The following ANKMY2 variants were observed in gnomAD, a reference collection of about 807,000 sequenced individuals.
ANKMY2 encodes ankyrin repeat and MYND domain-containing protein 2.
ANKMY2 carries 36 observed loss-of-function variants against 50.4 expected under a neutral mutation model. The observed-to-expected ratio is 0.71, with a 90% confidence interval of 0.55 to 0.94. ANKMY2 has a LOEUF of 0.94. ANKMY2 is among the 40% of genes least tolerant of loss of function. ANKMY2 has a pLI of 0.00. For synonymous variants in ANKMY2, 187 were observed against 178.8 expected (o/e 1.05, Z -0.36); for missense variants, 565 against 524.0 (o/e 1.08, Z -0.76).
rs185748132 is a variant in ANKMY2, at chr7:16,629,144, C to T, written c.133-1966G>A. 1.1e-4 allele frequency among the ~76,000 whole-genome samples: 16 copies of T among 152,266 alleles called. No homozygotes were observed. The East Asian group carries it at 3.1e-3, about 29-fold the overall frequency. ...TCTCATTTAAAAAAAATTTTCCTGG[C>T]TCTTTTCTCTTTCTCACTTGTTCTT... On this transcript the variant is annotated intron_variant, in intron 2 of 9. Transcript: ENST00000306999.
In ANKMY2 at chr7:16,645,559, C is replaced by A. The variant is rs773492056; in HGVS notation, c.15G>T (p.Lys5Asn). 1 of 1,612,002 alleles carries A rather than the reference C, an allele frequency of 6.2e-7. No homozygotes were observed. Among genetic ancestry groups the A allele is most frequent in the African/African-American group, 1.3e-5 (1 of 74,786 alleles). ...TCTCCTCCTGGGTCAGCTCGCCTTT[C>A]TTTATGTGAACCATTGCTCCCGCCA... MVHI[K>N]KGELTQEEKE... Residue 5 changes from lysine (K) to asparagine (N), a missense_variant, in exon 1 of 10, where the codon AAG (lysine) becomes AAT (asparagine). Transcript: ENST00000306999.
intron 4 of ANKMY2, among the ~76,000 whole-genome samples, chr7:16,618,440 GAATA>G (rs1781389013): frequency 6.6e-6 from 1 of 152,138 alleles, no homozygotes; most frequent in African/African-American, 2.4e-5. Context: ...GGAAAAAAAG[GAATA>G]GATGGAGAAT....
Position 16,600,538 on chromosome 7 carries a change from A to C in ANKMY2, c.*223T>G. 2.6e-6 allele frequency: 1 copy of C among 380,534 alleles called. No homozygotes were observed. The highest frequency in any genetic ancestry group is 3.9e-5 in the East Asian group (1 of 25,776). 23.6% of individuals were successfully genotyped at this position (380,534 alleles called of 1,614,324 possible). On this transcript the variant is annotated 3_prime_UTR_variant, in exon 10 of 10. Transcript: ENST00000306999. ...TAGGAATGTTTTTCCTGTATTTTGA[A>C]ACAAAAAATTTTCCATAGGAATATC...
intron 5 of ANKMY2, among the ~76,000 whole-genome samples, chr7:16,612,319 A>G (rs1486709180): frequency 2.6e-5 from 4 of 152,222 alleles, no homozygotes; most frequent in Admixed American, 2.6e-4. Context: ...TCCTTGTAAA[A>G]TTAAACGAAT....
chr7:16,638,822 G>T (rs1295886606), intron 1 of ANKMY2, among the ~76,000 whole-genome samples: 1 of 150,810 alleles, frequency 6.6e-6, no homozygotes. Context: ...AGGTACCAGG[G>T]TCAAAGACCA....
chr7:16,612,187 A>G (rs557764089), intron 5 of ANKMY2, among the ~76,000 whole-genome samples: 33 of 152,340 alleles, frequency 2.2e-4, no homozygotes, highest in African/African-American at 7.7e-4. Context: ...GGGACTATAC[A>G]TGTCAGGGAA....
In ANKMY2 at chr7:16,600,810, A is replaced by C; in HGVS notation, c.1277T>G (p.Leu426Trp). The C allele has an allele frequency of 1.2e-6, 2 of 1,613,798 alleles. No homozygotes were observed. Among genetic ancestry groups the C allele is most frequent in the Non-Finnish European group, 1.7e-6 (2 of 1,179,884 alleles). ...TGCAGGAGCATCCTGTAAGCCTTCC[A>C]ACTCAGCTTCGCTTTCAAGAGATTC... The part of the protein sequence containing the change: ...KKESLESEAE[L>W]EGLQDAPAGP... Residue 426 changes from leucine to tryptophan, a missense_variant, in exon 10 of 10, where the codon TTG becomes TGG. By Grantham distance (61) the Leu-to-Trp change is moderately conservative (BLOSUM62 -2). Transcript: ENST00000306999.
At chr7:16,636,345 C>T (rs1463514372) in intron 2 of ANKMY2, 46 bp downstream of exon 2, 24 of 486,358 alleles carry the variant, frequency 4.9e-5, no homozygotes, top group Non-Finnish European at 8.0e-5. Context: ...TATATTATCT[C>T]TTCTTATAGG....
intron 2 of ANKMY2, among the ~76,000 whole-genome samples, chr7:16,630,849 T>C (rs375572310): frequency 1.3e-5 from 2 of 152,122 alleles, no homozygotes; most frequent in Non-Finnish European, 2.9e-5. Context: ...TGAAAGGAGT[T>C]AGGGAGGCAA....
intron 5 of ANKMY2, among the ~76,000 whole-genome samples, chr7:16,614,570 G>A (rs1781310602): frequency 1.3e-5 from 2 of 152,188 alleles, no homozygotes; most frequent in Non-Finnish European, 1.5e-5. Context: ...AAGATGCACA[G>A]GGATGCATCA....
At chr7:16,604,352 T>G (rs999326692) in intron 8 of ANKMY2, among the ~76,000 whole-genome samples, 1 of 152,202 alleles carries the variant, frequency 6.6e-6, no homozygotes, top group African/African-American at 2.4e-5. Flanking sequence ...ATCAGAAGAG[T>G]AAAGAATGTA....
chr7:16,613,023 T>C (rs1781280042), intron 5 of ANKMY2, among the ~76,000 whole-genome samples: 1 of 152,212 alleles, frequency 6.6e-6, no homozygotes. Flanking sequence ...TCTACAATAC[T>C]GGGCTTGAAA....
intron 8 of ANKMY2, among the ~76,000 whole-genome samples, chr7:16,603,833 C>T (rs1305880538): frequency 6.6e-6 from 1 of 152,136 alleles, no homozygotes; most frequent in African/African-American, 2.4e-5. Context: ...CCTGCTAGTA[C>T]AAGAAGGATG....
chr7:16,608,418 C>T (rs145582067), intron 7 of ANKMY2, among the ~76,000 whole-genome samples: 541 of 152,302 alleles, frequency 3.6e-3, no homozygotes, highest in African/African-American at 0.012. Context: ...GTCTTTTCTG[C>T]TCAGGTCTTT....
chr7:16,622,994 C>T (rs1437571735), intron 4 of ANKMY2, among the ~76,000 whole-genome samples: 1 of 152,100 alleles, frequency 6.6e-6, no homozygotes. Flanking sequence ...TGTGGAACAT[C>T]TATATCATGG....
At chr7:16,645,419 A>G (rs1262207249) in intron 1 of ANKMY2, 88 bp downstream of exon 1, 2 of 1,317,360 alleles carry the variant, frequency 1.5e-6, no homozygotes, top group Admixed American at 5.7e-5. Context: ...CCGCAGCCAA[A>G]GGTCACCCAG....
chr7:16,609,602 G>C, intron 7 of ANKMY2, 28 bp downstream of exon 7: 1 of 1,570,238 alleles, frequency 6.4e-7, no homozygotes, highest in Non-Finnish European at 8.6e-7. Context: ...TTTACTGATA[G>C]AGTCAACTTA....
chr7:16,645,610 G>A lies in ANKMY2; in HGVS notation c.-37C>T, dbSNP rs762656056. ...GCTTGAAGGTTATTCCCTTTCTTAG[G>A]GAGTATTAAAAAAGAAACGATGCGT... is the stretch of plus-strand genomic sequence containing the variant. On this transcript the variant is annotated 5_prime_UTR_variant, in exon 1 of 10. Transcript: ENST00000306999. The A allele has an allele frequency of 2.3e-5, 36 of 1,596,342 alleles. No individual in the cohort carries two copies. Among genetic ancestry groups the A allele is most frequent in the Non-Finnish European group, 2.9e-5 (34 of 1,172,872 alleles).
intron 5 of ANKMY2, among the ~76,000 whole-genome samples, chr7:16,613,097 G>A (rs751930664): frequency 3.3e-5 from 5 of 152,198 alleles, no homozygotes; most frequent in Admixed American, 6.5e-5. Context: ...TAGAGACCCT[G>A]CTCTGCTGAC....
Sources: gnomAD v4.1 joint callset for allele counts (sites outside exome capture counted in the v4.1 genomes callset) on GRCh38, gnomAD v4.1.1 for gene constraint, MANE v1.5 for transcripts, NCBI Gene and HGNC (gene_info 2026-07-23, HGNC 2026-07-21) for gene names.